Variants in TREML4 observed in about 807,000 individuals in gnomAD.
TREML4 encodes the protein triggering receptor expressed on myeloid cells like 4.
A neutral mutation model predicts 25.4 loss-of-function variants in TREML4; 25 were observed. The observed-to-expected ratio is 0.98, with a 90% CI of 0.72 to 1.37. The LOEUF (loss-of-function observed/expected upper bound fraction) is 1.37. Among genes scored for constraint, TREML4 ranks in the 40% most tolerant of loss-of-function variants. The probability of loss-of-function intolerance (pLI) is 0.00; values close to 1 mark genes in which losing one functional copy is unlikely to be tolerated. For synonymous variants in TREML4, 92 were observed against 87.9 expected, an observed-to-expected ratio of 1.05 and a Z score of -0.26; for missense variants, 268 against 236.5, an observed-to-expected ratio of 1.13 and a Z score of -0.87.
At chr6:41,229,459 G>C in intron 2 of TREML4, 62 bp from the exon 3 acceptor site, 1 of 1,574,434 alleles carries the variant, frequency 6.4e-7, no homozygotes, top group South Asian at 1.1e-5. Flanking sequence ...CTTATGTATG[G>C]GGTAGACCCT....
chr6:41,232,284 TG>T, intron 4 of TREML4: 1 of 302,756 alleles, frequency 3.3e-6, no homozygotes, highest in Non-Finnish European at 7.0e-6. Context: ...AAGTAAACCC[TG>T]GAGACGCTGC....
intron 4 of TREML4, among the ~76,000 whole-genome samples, chr6:41,233,165 C>T (rs960899425): frequency 2.0e-5 from 3 of 152,108 alleles, no homozygotes; most frequent in African/African-American, 7.2e-5. Flanking sequence ...AAATAAAACT[C>T]TAGCCAAAGG....
chr6:41,234,004 T>C (rs1420007937), intron 4 of TREML4, among the ~76,000 whole-genome samples: 1 of 151,730 alleles, frequency 6.6e-6, no homozygotes, highest in East Asian at 1.9e-4. Context: ...CATATATATG[T>C]TTATAACCCT....
At position 41,229,039 on chromosome 6, in the gene TREML4, C is replaced by A. The variant is rs752282271; in HGVS notation, c.389C>A (p.Ser130Tyr). The change falls in exon 2 of 6, where the codon TCT (serine) becomes TAT (tyrosine). Residue 130 changes from serine to tyrosine, a missense_variant. Transcript: ENST00000341495. ...TVLRNISLVV[S>Y]PAPTTSPMWT... ...CTTAGAAATATCAGCCTGGTGGTGT[C>A]TCCAGGTGAGCTCTTTTCTTGAGGA... 2 of 1,610,702 alleles carry A rather than the reference C, an allele frequency of 1.2e-6. No individual in the cohort carries two copies. The highest frequency in any genetic ancestry group is 8.5e-7 in the Non-Finnish European group (1 of 1,177,712).
At chr6:41,231,243 A>C in intron 4 of TREML4, 1 of 191,216 alleles carries the variant, frequency 5.2e-6, no homozygotes, top group South Asian at 7.1e-5. Flanking sequence ...CCCGACTCTC[A>C]GGTCCATGGA....
chr6:41,236,965 A>G (rs2113945053), intron 5 of TREML4, 90 bp from the exon 6 acceptor site: 1 of 179,704 alleles, frequency 5.6e-6, no homozygotes, highest in South Asian at 1.2e-4. Context: ...GGGCGGGAAG[A>G]GGAGTAACAG....
At chr6:41,231,009 T>C in intron 4 of TREML4, 1 of 309,838 alleles carries the variant, frequency 3.2e-6, no homozygotes. Context: ...ATGCGAGGGT[T>C]CTAGGTTGCA....
intron 4 of TREML4, among the ~76,000 whole-genome samples, chr6:41,235,780 A>T (rs2113943624): frequency 6.6e-6 from 1 of 151,970 alleles, no homozygotes; most frequent in Admixed American, 6.5e-5. Flanking sequence ...TTTTGTAAAG[A>T]ACTTGAAAAA....
chr6:41,231,059 G>A (rs185928266), intron 4 of TREML4: 2 of 415,522 alleles, frequency 4.8e-6, no homozygotes, highest in Admixed American at 2.6e-5. Flanking sequence ...ATCTGTCACT[G>A]TCTCCCATCA....
intron 4 of TREML4, among the ~76,000 whole-genome samples, chr6:41,232,008 A>G (rs1248597470): frequency 6.6e-6 from 1 of 152,234 alleles, no homozygotes; most frequent in African/African-American, 2.4e-5. Flanking sequence ...CTTAAAAAGC[A>G]GAGGGAAATG....
intron 4 of TREML4, chr6:41,231,249 A>G (rs2627571): frequency 0.88 from 163,992 of 185,488 alleles, 72,866 homozygotes; most frequent in East Asian, 0.95. Context: ...TCTCAGGTCC[A>G]TGGAAAATTT....
chr6:41,236,372 T>G (rs1582119329), intron 4 of TREML4, 114 bp from the exon 5 acceptor site: 1 of 791,446 alleles, frequency 1.3e-6, no homozygotes. Context: ...TCGTTCAGGG[T>G]GGGCCCTTAC....
At chr6:41,231,038 A>G in intron 4 of TREML4, 1 of 377,750 alleles carries the variant, frequency 2.6e-6, no homozygotes, top group Non-Finnish European at 5.4e-6. Flanking sequence ...ATGATAATTG[A>G]ATGGCTAATG....
Position 41,228,909 on chromosome 6 carries a change from C to G in TREML4, c.259C>G (p.Pro87Ala). 6.2e-7 allele frequency: 1 copy of G among 1,614,162 alleles called. No individual in the cohort carries two copies. The highest frequency in any genetic ancestry group is 8.5e-7 in the Non-Finnish European group (1 of 1,180,020). Residue 87 changes from proline to alanine, a missense_variant, in exon 2 of 6, where the codon CCC becomes GCC. Transcript: ENST00000341495. ...QKSHYTIWDK[P>A]NAGFFNITMI... ...GTCTCATTACACAATCTGGGACAAG[C>G]CCAATGCTGGCTTCTTCAACATCAC...
chr6:41,231,677 T>C (rs4711663), intron 4 of TREML4, among the ~76,000 whole-genome samples: 107,985 of 152,068 alleles, frequency 0.71, 39,914 homozygotes, highest in East Asian at 0.85. Flanking sequence ...TGATGAAGGA[T>C]GGCTGTGGCT....
At chr6:41,231,544 T>C (rs778758450) in intron 4 of TREML4, among the ~76,000 whole-genome samples, 2 of 152,174 alleles carry the variant, frequency 1.3e-5, no homozygotes, top group African/African-American at 2.4e-5. Context: ...TAGGTACCTA[T>C]GATCAGTCTG....
At position 41,236,529 on chromosome 6, in the gene TREML4, T is replaced by C. The variant is rs371100506; in HGVS notation, c.550T>C (p.Phe184Leu). Residue 184 changes from phenylalanine (F) to leucine (L), a missense_variant, in exon 5 of 6, where the codon TTC becomes CTC. Coordinates refer to ENST00000341495, the MANE Select transcript of TREML4 (RefSeq NM_198153.3). ...CTGCCTTGGCTCAGGTGGCCCCAGA[T>C]TCCTGGTCTTGGTGCTATGTGGACT... Reference protein sequence around the residue: ...PACLGSGGPRFLVLVLCGLLL... With the variant: ...PACLGSGGPRLLVLVLCGLLL... 5 of 1,614,144 alleles carry C rather than the reference T, an allele frequency of 3.1e-6. No homozygotes were observed. Among genetic ancestry groups the C allele is most frequent in the Non-Finnish European group, 2.5e-6 (3 of 1,180,018 alleles).
Position 41,238,028 on chromosome 6 carries a change from C to T in TREML4, c.*1009C>T, listed in dbSNP as rs1035538240. The T allele has an allele frequency of 2.0e-5, 3 of 152,324 alleles. No individual in the cohort carries two copies. Among genetic ancestry groups the T allele is most frequent in the Non-Finnish European group, 2.9e-5 (2 of 68,046 alleles). The allele number at this position is 152,324 out of a possible 1,614,324, so 9.4% of individuals were successfully genotyped here. ...ACTCAGAATGGGGGTCCACCATGAG[C>T]AACAGATTTGAGGTACCAGTGCATA... On this transcript the variant is annotated 3_prime_UTR_variant, in exon 6 of 6. Transcript: ENST00000341495.
At chr6:41,229,389 G>C in intron 2 of TREML4, 132 bp from the exon 3 acceptor site, 2 of 939,280 alleles carry the variant, frequency 2.1e-6, no homozygotes, top group South Asian at 2.6e-5. Context: ...GCAGATCTTA[G>C]GCACAGACCA....
Sources: allele counts gnomAD v4.1 joint callset (sites outside exome capture counted in the v4.1 genomes callset), GRCh38; gene constraint gnomAD v4.1.1; transcripts MANE v1.5; gene names NCBI Gene and HGNC (gene_info 2026-07-23, HGNC 2026-07-21).